ZFYVE27: variants seen among roughly 807,000 people sequenced by gnomAD.
ZFYVE27 encodes the protein zinc finger FYVE-type containing 27.
In ZFYVE27, 36 loss-of-function variants were observed where a neutral mutation model predicts 52.8. That is an observed-to-expected ratio of 0.68 (90% CI 0.52 to 0.90). ZFYVE27 has a LOEUF of 0.90. ZFYVE27 is among the 40% of genes least tolerant of loss of function. ZFYVE27 has a pLI of 0.00. For synonymous variants in ZFYVE27, 223 were observed against 215.6 expected (o/e 1.03, Z -0.30); for missense variants, 450 against 527.2 (o/e 0.85, Z 1.43).
At chr10:97,751,848 G>T (rs2047086372) in intron 8 of ZFYVE27, among the ~76,000 whole-genome samples, 1 of 152,244 alleles carries the variant, frequency 6.6e-6, no homozygotes, top group African/African-American at 2.4e-5. Flanking sequence ...GCGGGGCTGG[G>T]AGGGGAGGTT....
Position 97,759,613 on chromosome 10 carries a change from G to C in ZFYVE27, c.*313G>C. 2.2e-6 allele frequency: 1 copy of C among 454,656 alleles called. No homozygotes were observed. The highest frequency in any genetic ancestry group is 4.1e-6 in the Non-Finnish European group (1 of 244,202). 28.2% of individuals were successfully genotyped at this position (454,656 alleles called of 1,614,324 possible). A position where few individuals can be genotyped will look rare whatever the true frequency, so the allele number is the denominator to read the frequency against. On this transcript the variant is annotated 3_prime_UTR_variant, in exon 13 of 13. Coordinates refer to ENST00000684270, the MANE Select transcript of ZFYVE27 (RefSeq NM_001385875.1). ...GGCAGGCAGTAGCCACCAGAGGGCA[G>C]CAGCGAACTAGGCCAGGCCTGACTG... is the stretch of plus-strand genomic sequence containing the variant.
chr10:97,748,452 C>A, intron 5 of ZFYVE27, 88 bp downstream of exon 5: 1 of 1,325,418 alleles, frequency 7.5e-7, no homozygotes, highest in Non-Finnish European at 1.1e-6. Context: ...AGGACCTCTG[C>A]CCCTCTTACC....
At chr10:97,752,808 A>G (rs1421031822) in intron 8 of ZFYVE27, 49 bp from the exon 9 acceptor site, 3 of 1,607,754 alleles carry the variant, frequency 1.9e-6, no homozygotes, top group East Asian at 2.2e-5. Context: ...TCTTCTTGCT[A>G]TCTTTTTCTT....
At position 97,750,286 on chromosome 10, in the gene ZFYVE27, G is replaced by A. The variant is rs760452788; in HGVS notation, c.665-45G>A. 2.3e-5 allele frequency: 37 copies of A among 1,611,640 alleles called. No homozygotes were observed. In the East Asian group the frequency reaches 8.0e-4, roughly 35 times the overall value. On this transcript the variant is annotated intron_variant, in intron 6 of 12. Transcript: ENST00000684270. ...GGGTACCCCTAAAGTGCCACTCACG[G>A]TGTCTCATTTTTGCCTCCTACCTTG...
At chr10:97,757,210 T>A in intron 10 of ZFYVE27, 55 bp from the exon 11 acceptor site, 2 of 1,613,156 alleles carry the variant, frequency 1.2e-6, no homozygotes, top group Non-Finnish European at 1.7e-6. Context: ...CAGGAGCAGG[T>A]GAGCGTGAGA....
intron 2 of ZFYVE27, among the ~76,000 whole-genome samples, chr10:97,742,422 T>C (rs1217578244): frequency 6.6e-6 from 1 of 152,194 alleles, no homozygotes; most frequent in Non-Finnish European, 1.5e-5. Context: ...GTGGTGGTGG[T>C]GGCAGTGATG....
intron 11 of ZFYVE27, 147 bp downstream of exon 11, chr10:97,757,458 C>T (rs1214854776): frequency 1.6e-5 from 21 of 1,320,068 alleles, no homozygotes; most frequent in East Asian, 9.3e-5. Flanking sequence ...CCCTCCCCTG[C>T]GCCTGTGCCA....
At chr10:97,741,011 T>C (rs893699385) in intron 2 of ZFYVE27, among the ~76,000 whole-genome samples, 2 of 152,204 alleles carry the variant, frequency 1.3e-5, no homozygotes, top group African/African-American at 2.4e-5. Context: ...TTTATTTCGC[T>C]TTTACCCTGG....
chr10:97,754,810 A>C, intron 10 of ZFYVE27: 1 of 1,288,868 alleles, frequency 7.8e-7, no homozygotes, highest in Admixed American at 2.3e-5. Context: ...AAGAAGTATT[A>C]CTCTGGTCCA....
chr10:97,755,171 C>T (rs1198126441), intron 10 of ZFYVE27, among the ~76,000 whole-genome samples: 2 of 152,230 alleles, frequency 1.3e-5, no homozygotes, highest in African/African-American at 4.8e-5. Flanking sequence ...TCCTAAACTC[C>T]TCTTAGTTCC....
chr10:97,753,281 T>C, intron 10 of ZFYVE27, 99 bp downstream of exon 10: 1 of 1,490,150 alleles, frequency 6.7e-7, no homozygotes, highest in Non-Finnish European at 9.0e-7. Context: ...GTCTCAGAAC[T>C]GTGGGTACTG....
rs751783581 is a variant in ZFYVE27 at position 97,759,622 on chromosome 10, T to G, written c.*322T>G. 2.3e-6 allele frequency: 1 copy of G among 438,056 alleles called. No individual in the cohort carries two copies. Among genetic ancestry groups the G allele is most frequent in the Non-Finnish European group, 4.3e-6 (1 of 233,556 alleles). 27.1% of individuals were successfully genotyped at this position (438,056 alleles called of 1,614,324 possible). ...TAGCCACCAGAGGGCAGCAGCGAACTAGGCCAGGCCTGACTGGGGTCTGAA... is the reference window on the plus strand; with the variant it reads ...TAGCCACCAGAGGGCAGCAGCGAACGAGGCCAGGCCTGACTGGGGTCTGAA... On this transcript the variant is annotated 3_prime_UTR_variant, in exon 13 of 13. Coordinates refer to ENST00000684270, the MANE Select transcript of ZFYVE27 (RefSeq NM_001385875.1).
chr10:97,745,182 C>CTTTCT (rs1554889673), intron 4 of ZFYVE27, among the ~76,000 whole-genome samples: 32 of 148,330 alleles, frequency 2.2e-4, no homozygotes, highest in African/African-American at 2.2e-4. Flanking sequence ...TTCTTTCTTT[C>CTTTCT]TTTTTTTTTT....
At chr10:97,744,610 C>T in intron 3 of ZFYVE27, 119 bp from the exon 4 acceptor site, 1 of 1,188,668 alleles carries the variant, frequency 8.4e-7, no homozygotes, top group Non-Finnish European at 1.2e-6. Context: ...ACAGAGCTAT[C>T]AGGGAAGGCC....
chr10:97,758,124 A>G (rs921722672), intron 12 of ZFYVE27: 3 of 162,174 alleles, frequency 1.8e-5, no homozygotes, highest in African/African-American at 7.2e-5. Flanking sequence ...TATAAAATAT[A>G]AAATATTTCC....
rs763135212 is a variant in ZFYVE27, at chr10:97,738,465, T to C, written c.-1-12T>C. On this transcript the variant is annotated splice_polypyrimidine_tract_variant and intron_variant, in intron 1 of 12. Transcript: ENST00000684270. ...CGTGCAATGCAAATGTTGGGAATTA[T>C]TATGGTTACAGGATGCAGACATCAG... 1.9e-6 allele frequency: 3 copies of C among 1,613,542 alleles called. No individual in the cohort carries two copies. Among genetic ancestry groups the C allele is most frequent in the African/African-American group, 2.7e-5 (2 of 74,904 alleles).
At position 97,738,553 on chromosome 10, in the gene ZFYVE27, C is replaced by T; in HGVS notation, c.76C>T (p.Pro26Ser). The change falls in exon 2 of 13, where the codon CCA (proline) becomes TCA (serine). Residue 26 changes from proline (P) to serine (S), a missense_variant. Physicochemically the swap from Pro to Ser is moderately conservative, Grantham distance 74 (BLOSUM62 -1). Coordinates refer to ENST00000684270, the MANE Select transcript of ZFYVE27 (RefSeq NM_001385875.1). Reference protein sequence around the residue: ...SVMPEAPLESPPFPTKSPAFD... With the variant: ...SVMPEAPLESSPFPTKSPAFD... ...GATGCCCGAGGCTCCCCTGGAGTCTCCACCTTTTCCTACCAAGTCCCCAGC... is the reference window on the plus strand; with the variant it reads ...GATGCCCGAGGCTCCCCTGGAGTCTTCACCTTTTCCTACCAAGTCCCCAGC... The T allele has an allele frequency of 6.2e-7, 1 of 1,614,162 alleles. No individual in the cohort carries two copies. The highest frequency in any genetic ancestry group is 8.5e-7 in the Non-Finnish European group (1 of 1,180,022).
chr10:97,754,213 T>C (rs1371289458), intron 10 of ZFYVE27, among the ~76,000 whole-genome samples: 1 of 152,136 alleles, frequency 6.6e-6, no homozygotes, highest in Non-Finnish European at 1.5e-5. Flanking sequence ...CCTGCCTTCC[T>C]ACCCCTGCAG....
rs369834453 is a variant in ZFYVE27, at chr10:97,750,471, G to C, written c.804+1G>C. On this transcript the variant is annotated splice_donor_variant, in intron 7 of 12. Coordinates refer to ENST00000684270, the MANE Select transcript of ZFYVE27 (RefSeq NM_001385875.1). LOFTEE classifies it high-confidence loss of function. Reference sequence around the variant, plus strand: ...CACGCCTGCCCTCACACCCACGGAGGTAAGTGCCACTGTCAGGGCAGAGCC... The same window carrying C: ...CACGCCTGCCCTCACACCCACGGAGCTAAGTGCCACTGTCAGGGCAGAGCC... The C allele has an allele frequency of 8.7e-6, 14 of 1,613,880 alleles. No homozygotes were observed. Among genetic ancestry groups the C allele is most frequent in the Non-Finnish European group, 1.1e-5 (13 of 1,180,042 alleles).
Sources: gnomAD v4.1 joint callset for allele counts (sites outside exome capture counted in the v4.1 genomes callset) on GRCh38, gnomAD v4.1.1 for gene constraint, MANE v1.5 for transcripts, NCBI Gene and HGNC (gene_info 2026-07-23, HGNC 2026-07-21) for gene names.